The following PRIM2 variants were observed in gnomAD, a reference collection of about 807,000 sequenced individuals.
The protein encoded by PRIM2 is DNA primase large subunit.
In PRIM2, 39 loss-of-function variants were observed where a neutral mutation model predicts 67.3. The ratio of observed to expected loss-of-function variants is 0.58; its 90% CI spans 0.45 to 0.76. PRIM2 has a LOEUF of 0.76. PRIM2 is among the 30% of genes least tolerant of loss of function. The probability of loss-of-function intolerance (pLI) is 0.00; values close to 1 mark genes in which losing one functional copy is unlikely to be tolerated. For missense variants in PRIM2, 398 were observed against 598.7 expected (o/e 0.66, Z 3.50); for synonymous variants, 143 against 198.7 (o/e 0.72, Z 2.36).
At chr6:57,339,713 G>A (rs1296313459) in intron 5 of PRIM2, among the ~76,000 whole-genome samples, 1 of 152,182 alleles carries the variant, frequency 6.6e-6, no homozygotes, top group Non-Finnish European at 1.5e-5. Context: ...ATTCAAGATA[G>A]ATTAAAGACT....
At chr6:57,419,423 C>A (rs1366175603) in intron 7 of PRIM2, among the ~76,000 whole-genome samples, 1 of 152,054 alleles carries the variant, frequency 6.6e-6, no homozygotes, top group Non-Finnish European at 1.5e-5. Flanking sequence ...ATTTATAAAG[C>A]CTGTAATGGC....
intron 7 of PRIM2, among the ~76,000 whole-genome samples, chr6:57,387,593 T>TA (rs1443108536): frequency 6.6e-6 from 1 of 152,118 alleles, no homozygotes; most frequent in Non-Finnish European, 1.5e-5. Flanking sequence ...CAAACTCTGA[T>TA]AAAATATTCA....
At chr6:57,238,072 A>G in the PRIM2 span, among the ~76,000 whole-genome samples, 4 of 152,202 alleles carry the variant, frequency 2.6e-5, no homozygotes, top group Non-Finnish European at 5.9e-5. Flanking sequence ...GCAAGTCCTT[A>G]GAGACCTACA....
At chr6:57,361,309 T>C (rs1769192911) in intron 5 of PRIM2, among the ~76,000 whole-genome samples, 1 of 152,178 alleles carries the variant, frequency 6.6e-6, no homozygotes, top group Non-Finnish European at 1.5e-5. Context: ...TCGTGGCCTC[T>C]TCCTATATTT....
At chr6:57,253,762 G>C in the PRIM2 span, among the ~76,000 whole-genome samples, 1 of 152,154 alleles carries the variant, frequency 6.6e-6, no homozygotes, top group Non-Finnish European at 1.5e-5. Flanking sequence ...CAAAGGCTTA[G>C]GATAGGAGGA....
chr6:57,635,750 A>C (rs1165795106), intron 13 of PRIM2, among the ~76,000 whole-genome samples: 12 of 152,230 alleles, frequency 7.9e-5, no homozygotes, highest in Non-Finnish European at 1.8e-4. Flanking sequence ...ATCAGTTAGA[A>C]TGCTGGACTA....
the PRIM2 span, among the ~76,000 whole-genome samples, chr6:57,243,951 CAGAT>C: frequency 8.5e-5 from 13 of 152,208 alleles, no homozygotes; most frequent in Admixed American, 7.9e-4. Flanking sequence ...CCCTGGCTGA[CAGAT>C]AGAATGGACT....
At chr6:57,460,654 G>A (rs1382794957) in intron 7 of PRIM2, among the ~76,000 whole-genome samples, 1 of 150,056 alleles carries the variant, frequency 6.7e-6, no homozygotes, top group African/African-American at 2.4e-5. Flanking sequence ...GAACTTTCAG[G>A]TTGACCACTA....
chr6:57,503,386 G>A (rs1482367470), intron 7 of PRIM2, among the ~76,000 whole-genome samples: 1 of 152,150 alleles, frequency 6.6e-6, no homozygotes. Context: ...CAATATTTCT[G>A]CTTTATTTCT....
intron 10 of PRIM2, among the ~76,000 whole-genome samples, chr6:57,600,199 C>T (rs1354650177): frequency 7.9e-5 from 12 of 152,246 alleles, no homozygotes; most frequent in East Asian, 3.9e-4. Flanking sequence ...TCCTGTCTGA[C>T]TCAATTCAAA....
At chr6:57,614,024 T>G (rs2127495023) in intron 12 of PRIM2, among the ~76,000 whole-genome samples, 1 of 152,218 alleles carries the variant, frequency 6.6e-6, no homozygotes, top group South Asian at 2.1e-4. Flanking sequence ...CTGTTCATTA[T>G]ATCAGAGGTC....
intron 5 of PRIM2, among the ~76,000 whole-genome samples, chr6:57,342,085 C>T (rs1768512500): frequency 6.6e-6 from 1 of 152,128 alleles, no homozygotes; most frequent in Non-Finnish European, 1.5e-5. Flanking sequence ...GAAATATGTA[C>T]ATAAAAAGGG....
the PRIM2 span, among the ~76,000 whole-genome samples, chr6:57,259,511 AT>A: frequency 2.6e-5 from 4 of 151,460 alleles, no homozygotes; most frequent in African/African-American, 7.3e-5. Flanking sequence ...GACATACCTC[AT>A]TTTTTTTTAA....
At chr6:57,421,147 A>G (rs1451660604) in intron 7 of PRIM2, among the ~76,000 whole-genome samples, 1 of 152,248 alleles carries the variant, frequency 6.6e-6, no homozygotes. Context: ...ATGAAGACTG[A>G]GAAGAGGCCA....
At chr6:57,568,435 C>A (rs1316660797) in intron 10 of PRIM2, among the ~76,000 whole-genome samples, 2 of 152,092 alleles carry the variant, frequency 1.3e-5, no homozygotes, top group Non-Finnish European at 2.9e-5. Flanking sequence ...TTGCAGGCTT[C>A]TGTGTCAATA....
chr6:57,326,573 T>G (rs543362701), intron 5 of PRIM2, among the ~76,000 whole-genome samples: 15 of 151,976 alleles, frequency 9.9e-5, no homozygotes, highest in Middle Eastern at 6.8e-3. Context: ...ATACAAAAAT[T>G]AGCCAGGCAT....
At chr6:57,226,326 A>G in the PRIM2 span, among the ~76,000 whole-genome samples, 1 of 152,260 alleles carries the variant, frequency 6.6e-6, no homozygotes, top group Non-Finnish European at 1.5e-5. Flanking sequence ...TTTCTGATAC[A>G]GTGATTTTTA....
At chr6:57,591,536 C>T (rs1170397317) in intron 10 of PRIM2, among the ~76,000 whole-genome samples, 4 of 152,066 alleles carry the variant, frequency 2.6e-5, no homozygotes, top group Non-Finnish European at 5.9e-5. Context: ...AGCAGACTCT[C>T]ACTTTGTTTC....
chr6:57,411,382 G>C (rs1771084220), intron 7 of PRIM2, among the ~76,000 whole-genome samples: 1 of 151,998 alleles, frequency 6.6e-6, no homozygotes. Context: ...CTTGAGCCCA[G>C]GAGTTTGAGA....
Sources: gnomAD v4.1 joint callset for allele counts (sites outside exome capture counted in the v4.1 genomes callset) on GRCh38, gnomAD v4.1.1 for gene constraint, MANE v1.5 for transcripts, NCBI Gene and HGNC (gene_info 2026-07-23, HGNC 2026-07-21) for gene names.